The following BBS9 variants were observed in gnomAD, a reference collection of about 807,000 sequenced individuals.
The protein encoded by BBS9 is protein PTHB1.
BBS9 carries 89 observed loss-of-function variants against 117.7 expected under a neutral mutation model. That is an observed-to-expected ratio of 0.76 (90% CI 0.64 to 0.90). The LOEUF is 0.90. Ranked by LOEUF, BBS9 falls within the 40% of genes least tolerant of loss-of-function variation. The pLI is 0.00. For synonymous variants in BBS9, 379 were observed against 370.9 expected, an observed-to-expected ratio of 1.02 and a Z score of -0.25; for missense variants, 982 against 1,042.2, an observed-to-expected ratio of 0.94 and a Z score of 0.80.
At chr7:33,455,296 C>G (rs150582007) in intron 19 of BBS9, among the ~76,000 whole-genome samples, 2 of 152,160 alleles carry the variant, frequency 1.3e-5, no homozygotes, top group African/African-American at 4.8e-5. Context: ...ACACAAAGTC[C>G]ACCCTCTGTA....
intron 19 of BBS9, among the ~76,000 whole-genome samples, chr7:33,388,744 T>C (rs1826496771): frequency 1.3e-5 from 2 of 152,148 alleles, no homozygotes; most frequent in Non-Finnish European, 2.9e-5. Flanking sequence ...TCAAAACATC[T>C]CTCACTTAAA....
At chr7:33,488,114 T>C (rs2128988599) in intron 19 of BBS9, among the ~76,000 whole-genome samples, 1 of 152,330 alleles carries the variant, frequency 6.6e-6, no homozygotes. Context: ...TCCTCTTCTC[T>C]CCAGCCAACT....
At chr7:33,228,482 A>G (rs928910475) in intron 5 of BBS9, among the ~76,000 whole-genome samples, 1 of 152,150 alleles carries the variant, frequency 6.6e-6, no homozygotes, top group Non-Finnish European at 1.5e-5. Context: ...AACTTTCTCT[A>G]TACAGTTGAC....
At chr7:33,262,034 C>T (rs548270793) in intron 6 of BBS9, among the ~76,000 whole-genome samples, 26 of 152,268 alleles carry the variant, frequency 1.7e-4, no homozygotes, top group African/African-American at 5.8e-4. Flanking sequence ...TAGATTTTTA[C>T]ATACTTTATT....
At chr7:33,326,021 G>A (rs1417945654) in intron 9 of BBS9, among the ~76,000 whole-genome samples, 3 of 152,060 alleles carry the variant, frequency 2.0e-5, no homozygotes, top group Non-Finnish European at 4.4e-5. Flanking sequence ...AGTCCCTAGG[G>A]CTCTACAATC....
rs1021657219 is a variant in BBS9, at chr7:33,181,342, G to A, written c.442+3751G>A. 3.3e-5 allele frequency among the ~76,000 whole-genome samples: 5 copies of A among 152,216 alleles called. 1 individual carries two copies. The South Asian group carries it at 1.0e-3, about 32-fold the overall frequency. ...GTGAGACATTTCTATATACTTCTTT[G>A]TACCTGGAAATCCCAAAGTGCTGGG... is the stretch of plus-strand genomic sequence containing the variant. On this transcript the variant is annotated intron_variant, in intron 5 of 22. Transcript: ENST00000242067.
intron 17 of BBS9, among the ~76,000 whole-genome samples, chr7:33,376,876 T>A (rs1223118058): frequency 6.6e-6 from 1 of 152,148 alleles, no homozygotes; most frequent in Admixed American, 6.5e-5. Context: ...TATCCTTTGC[T>A]CACTTTTTAA....
At chr7:33,166,880 G>A (rs1200091042) in intron 4 of BBS9, among the ~76,000 whole-genome samples, 2 of 152,142 alleles carry the variant, frequency 1.3e-5, no homozygotes, top group African/African-American at 2.4e-5. Context: ...CACCCTCCGT[G>A]GGCTGCACCC....
At chr7:33,452,734 T>C (rs1405068270) in intron 19 of BBS9, among the ~76,000 whole-genome samples, 1 of 152,188 alleles carries the variant, frequency 6.6e-6, no homozygotes, top group Admixed American at 6.5e-5. Flanking sequence ...AAAAAGGTTA[T>C]TATGGGAACA....
At chr7:33,565,791 A>ACCGC (rs1453141891) in intron 21 of BBS9, among the ~76,000 whole-genome samples, 1 of 36,120 alleles carries the variant, frequency 2.8e-5, no homozygotes, top group Non-Finnish European at 4.4e-5. Flanking sequence ...GTATATATAT[A>ACCGC]TATATATATA....
chr7:33,326,388 C>A lies in BBS9; in HGVS notation c.1017-10053C>A, dbSNP rs1243002113. Reference sequence around the variant, plus strand: ...TGCTGCCAGGCTTGAGCAGTGGGTTCCCCTCTCAGGGCAGGTCCTAAAATG... The same window carrying A: ...TGCTGCCAGGCTTGAGCAGTGGGTTACCCTCTCAGGGCAGGTCCTAAAATG... On this transcript the variant is annotated intron_variant, in intron 9 of 22. Coordinates refer to ENST00000242067, the MANE Select transcript of BBS9 (RefSeq NM_198428.3). Among the ~76,000 whole-genome samples the A allele has an allele frequency of 5.3e-5, 8 of 152,274 alleles. No homozygotes were observed. In the East Asian group the frequency reaches 1.4e-3, roughly 26 times the overall value.
At chr7:33,196,598 T>G (rs534020562) in intron 5 of BBS9, among the ~76,000 whole-genome samples, 9 of 152,308 alleles carry the variant, frequency 5.9e-5, no homozygotes, top group African/African-American at 2.2e-4. Context: ...TACATGTGGT[T>G]GAAATGTTAG....
At chr7:33,504,027 T>C (rs1845815121) in intron 19 of BBS9, among the ~76,000 whole-genome samples, 1 of 152,206 alleles carries the variant, frequency 6.6e-6, no homozygotes, top group Non-Finnish European at 1.5e-5. Context: ...ATTATAGTAA[T>C]GTTTCTTCCC....
intron 21 of BBS9, among the ~76,000 whole-genome samples, chr7:33,547,106 T>G (rs1005277857): frequency 6.6e-6 from 1 of 152,152 alleles, no homozygotes; most frequent in African/African-American, 2.4e-5. Context: ...TTCACTCAGC[T>G]TCCCCTGATG....
intron 19 of BBS9, among the ~76,000 whole-genome samples, chr7:33,458,483 A>G (rs1319850753): frequency 1.3e-5 from 2 of 152,258 alleles, no homozygotes; most frequent in East Asian, 3.9e-4. Context: ...TGTTTATATT[A>G]ACTATTCTGT....
Position 33,390,638 on chromosome 7 carries a change from T to C in BBS9, c.2115+2494T>C, listed in dbSNP as rs1157211864. 3 of 963,484 alleles carry C rather than the reference T, an allele frequency of 3.1e-6. No homozygotes were observed. The African/African-American group carries it at 5.3e-5, about 17-fold the overall frequency. 59.7% of individuals were successfully genotyped at this position (963,484 alleles called of 1,614,324 possible). On this transcript the variant is annotated intron_variant, in intron 19 of 22. Transcript: ENST00000242067. The stretch of plus-strand genomic sequence containing the variant: ...TAAGTTTCATGAGCATAATAAAGTC[T>C]ATTTTAATTCCGTTTAGTCAGTTTT...
intron 20 of BBS9, among the ~76,000 whole-genome samples, chr7:33,533,129 C>G (rs1409174759): frequency 1.3e-5 from 2 of 152,320 alleles, no homozygotes; most frequent in South Asian, 4.1e-4. Context: ...TTACCTCATA[C>G]TCCTTGTTGC....
chr7:33,428,703 C>T (rs1054715549), intron 19 of BBS9, among the ~76,000 whole-genome samples: 6 of 152,148 alleles, frequency 3.9e-5, no homozygotes, highest in Non-Finnish European at 8.8e-5. Context: ...CTTTCCTTGA[C>T]ATCCTTTTCA....
chr7:33,300,462 C>T (rs778479205), intron 9 of BBS9, among the ~76,000 whole-genome samples: 4 of 152,146 alleles, frequency 2.6e-5, no homozygotes, highest in African/African-American at 9.7e-5. Flanking sequence ...ATTTTTGTCT[C>T]TAATTATTTG....
Sources: allele counts gnomAD v4.1 joint callset (sites outside exome capture counted in the v4.1 genomes callset), GRCh38; gene constraint gnomAD v4.1.1; transcripts MANE v1.5; gene names NCBI Gene and HGNC (gene_info 2026-07-23, HGNC 2026-07-21).